Variants in ARID5B observed in about 807,000 individuals in gnomAD.
ARID5B encodes the protein AT-rich interactive domain-containing protein 5B.
In ARID5B, 13 loss-of-function variants were observed where a neutral mutation model predicts 97.2. The observed-to-expected ratio is 0.13, with a 90% CI of 0.09 to 0.21. The LOEUF (loss-of-function observed/expected upper bound fraction) is 0.21. Among genes scored for constraint, ARID5B ranks in the 10% least tolerant of loss-of-function variants. The pLI is 1.00. For synonymous variants in ARID5B, 556 were observed against 570.3 expected, an observed-to-expected ratio of 0.97 and a Z score of 0.36; for missense variants, 1,210 against 1,465.3, an observed-to-expected ratio of 0.83 and a Z score of 2.84.
Position 61,983,867 on chromosome 10 carries a change from C to CTTTTT in ARID5B, c.503-16197_503-16193dup, listed in dbSNP as rs1164342402. On this transcript the variant is annotated intron_variant, in intron 3 of 9. Coordinates refer to ENST00000279873, the MANE Select transcript of ARID5B (RefSeq NM_032199.3). ...TATATTTTTTAAACCCCCTTTTGTT[C>CTTTTT]TTTTTTTTTTTTTTTTTTTTTTTTT... Among the ~76,000 whole-genome samples, 80 of 27,592 alleles carry CTTTTT rather than the reference C, an allele frequency of 2.9e-3. 28 individuals carry two copies. The highest frequency in any genetic ancestry group is 7.9e-3 in the African/African-American group (50 of 6,324). 18.1% of individuals were successfully genotyped at this position (27,592 alleles called of 152,430 possible).
In ARID5B at chr10:62,093,252, A is replaced by G; in HGVS notation, c.*222A>G. 2 of 543,642 alleles carry G rather than the reference A, an allele frequency of 3.7e-6. No individual in the cohort carries two copies. The highest frequency in any genetic ancestry group is 3.4e-5 in the South Asian group (1 of 29,706). The allele number at this position is 543,642 out of a possible 1,614,324, so 33.7% of individuals were successfully genotyped here. A position where few individuals can be genotyped will look rare whatever the true frequency, so the allele number is the denominator to read the frequency against. The stretch of plus-strand genomic sequence containing the variant: ...TGGTGAGTCTTGACTCCCTTCCAAC[A>G]CAGATGCCCAGGCACCTCCAGATCA... On this transcript the variant is annotated 3_prime_UTR_variant, in exon 10 of 10. Coordinates refer to ENST00000279873, the MANE Select transcript of ARID5B (RefSeq NM_032199.3).
intron 9 of ARID5B, among the ~76,000 whole-genome samples, chr10:62,088,768 C>T (rs1840326005): frequency 6.6e-6 from 1 of 152,098 alleles, no homozygotes. Flanking sequence ...TTATTGTTTT[C>T]ATCGCTTTTA....
chr10:62,095,347 T>G lies in ARID5B; in HGVS notation c.*2317T>G, dbSNP rs937224868. ...TGCAGCAGACATGGGCTAGGTCATATGTGGTTTCTATGAGTTCGTGTCTCA... is the reference window on the plus strand; with the variant it reads ...TGCAGCAGACATGGGCTAGGTCATAGGTGGTTTCTATGAGTTCGTGTCTCA... On this transcript the variant is annotated 3_prime_UTR_variant, in exon 10 of 10. Coordinates refer to ENST00000279873, the MANE Select transcript of ARID5B (RefSeq NM_032199.3). The G allele has an allele frequency of 4.3e-6, 1 of 233,080 alleles. No individual in the cohort carries two copies. The highest frequency in any genetic ancestry group is 2.2e-5 in the African/African-American group (1 of 45,260). The allele number at this position is 233,080 out of a possible 1,614,324, so 14.4% of individuals were successfully genotyped here. A position where few individuals can be genotyped will look rare whatever the true frequency, so the allele number is the denominator to read the frequency against.
intron 7 of ARID5B, among the ~76,000 whole-genome samples, chr10:62,066,742 A>T (rs1839994714): frequency 1.3e-5 from 2 of 152,166 alleles, no homozygotes; most frequent in Non-Finnish European, 2.9e-5. Context: ...AGACAAGTGT[A>T]TCATAGGGCA....
chr10:61,965,063 T>C (rs1268234520), intron 3 of ARID5B, among the ~76,000 whole-genome samples: 1 of 152,202 alleles, frequency 6.6e-6, no homozygotes, highest in Non-Finnish European at 1.5e-5. Context: ...GAATGTACTT[T>C]TGTTAGTCTT....
chr10:62,033,972 C>T (rs1012298240), intron 4 of ARID5B, among the ~76,000 whole-genome samples: 2 of 152,134 alleles, frequency 1.3e-5, no homozygotes, highest in Admixed American at 6.5e-5. Context: ...TCTCCAACAG[C>T]AATTTTGCCA....
intron 5 of ARID5B, chr10:62,051,232 C>A: frequency 1.7e-6 from 1 of 599,548 alleles, no homozygotes; most frequent in South Asian, 1.9e-5. Context: ...GACTTCCTAC[C>A]TCCCAGTTTG....
chr10:61,965,291 C>T (rs1838529080), intron 3 of ARID5B, among the ~76,000 whole-genome samples: 1 of 152,126 alleles, frequency 6.6e-6, no homozygotes. Context: ...GAATATCCCT[C>T]TTTAAAGATA....
intron 4 of ARID5B, among the ~76,000 whole-genome samples, chr10:62,041,328 G>T (rs1393142846): frequency 6.6e-6 from 1 of 152,198 alleles, no homozygotes; most frequent in Non-Finnish European, 1.5e-5. Flanking sequence ...GTTGGGGATG[G>T]TGCTGGTGCC....
chr10:61,955,004 C>T (rs1838372591), intron 3 of ARID5B, among the ~76,000 whole-genome samples: 2 of 141,564 alleles, frequency 1.4e-5, no homozygotes, highest in South Asian at 4.4e-4. Context: ...GAAACTCCAT[C>T]TCAAAAAAAA....
chr10:61,992,173 G>C (rs1448211889), intron 3 of ARID5B, among the ~76,000 whole-genome samples: 4 of 152,162 alleles, frequency 2.6e-5, no homozygotes, highest in African/African-American at 4.8e-5. Flanking sequence ...TGGCCATGAA[G>C]TCTCACCTGT....
chr10:62,033,815 A>G (rs1479071137), intron 4 of ARID5B, among the ~76,000 whole-genome samples: 3 of 152,222 alleles, frequency 2.0e-5, no homozygotes, highest in South Asian at 2.1e-4. Context: ...CAAGATGGGC[A>G]TATAATTCTC....
At chr10:61,940,140 C>A in intron 2 of ARID5B, 43 bp from the exon 3 acceptor site, 1 of 1,590,430 alleles carries the variant, frequency 6.3e-7, no homozygotes, top group East Asian at 2.2e-5. Flanking sequence ...TCCCTCAAAC[C>A]TATAAATAAC....
chr10:61,943,035 G>T (rs1056801673), intron 3 of ARID5B, among the ~76,000 whole-genome samples: 16 of 152,160 alleles, frequency 1.1e-4, no homozygotes, highest in African/African-American at 3.9e-4. Context: ...CTACTCAGTT[G>T]CTATGAACTG....
chr10:62,018,522 G>A (rs1165277490), intron 4 of ARID5B, among the ~76,000 whole-genome samples: 1 of 151,528 alleles, frequency 6.6e-6, no homozygotes, highest in Non-Finnish European at 1.5e-5. Flanking sequence ...AGACTGGGTG[G>A]GTGCCAGAGA....
intron 6 of ARID5B, among the ~76,000 whole-genome samples, chr10:62,058,623 T>C (rs772998715): frequency 2.0e-5 from 3 of 152,236 alleles, no homozygotes; most frequent in Non-Finnish European, 4.4e-5. Context: ...CTAAGTGGGT[T>C]CATGATTCAA....
At chr10:62,026,089 T>G (rs1839417286) in intron 4 of ARID5B, among the ~76,000 whole-genome samples, 1 of 152,228 alleles carries the variant, frequency 6.6e-6, no homozygotes, top group Non-Finnish European at 1.5e-5. Context: ...ACTCTTTCAG[T>G]CGGGTTCAGA....
chr10:61,927,408 C>T (rs1030038741), intron 2 of ARID5B, among the ~76,000 whole-genome samples: 5 of 152,146 alleles, frequency 3.3e-5, no homozygotes, highest in Non-Finnish European at 7.4e-5. Context: ...TGCACTTGAA[C>T]CTCAGTCCAT....
At chr10:62,015,913 G>A (rs1325326778) in intron 4 of ARID5B, among the ~76,000 whole-genome samples, 3 of 152,136 alleles carry the variant, frequency 2.0e-5, no homozygotes, top group Non-Finnish European at 1.5e-5. Flanking sequence ...ATGAGCCACC[G>A]TACCTGGCCT....
Sources: allele counts gnomAD v4.1 joint callset (sites outside exome capture counted in the v4.1 genomes callset), GRCh38; gene constraint gnomAD v4.1.1; transcripts MANE v1.5; gene names NCBI Gene and HGNC (gene_info 2026-07-23, HGNC 2026-07-21).